The following CCDC85C variants were observed in gnomAD, a reference collection of about 807,000 sequenced individuals.
The protein encoded by CCDC85C is coiled-coil domain containing 85C.
Under a neutral mutation model 38.3 loss-of-function variants are expected in CCDC85C, and 18 were observed. The observed-to-expected ratio is 0.47, with a 90% CI of 0.33 to 0.70. The LOEUF (loss-of-function observed/expected upper bound fraction) is 0.70, where lower values mean the gene tolerates loss of function less well. CCDC85C is among the 30% of genes least tolerant of loss of function. The probability of loss-of-function intolerance (pLI) is 0.03; values close to 1 mark genes in which losing one functional copy is unlikely to be tolerated. For missense variants in CCDC85C, 566 were observed against 621.2 expected (o/e 0.91, Z 0.94); for synonymous variants, 264 against 293.8 (o/e 0.90, Z 1.04).
intron 1 of CCDC85C, among the ~76,000 whole-genome samples, chr14:99,573,959 C>T (rs893095991): frequency 2.6e-5 from 4 of 152,194 alleles, no homozygotes; most frequent in Non-Finnish European, 4.4e-5. Flanking sequence ...CTCATCAACT[C>T]GTCTCATCCT....
intron 2 of CCDC85C, among the ~76,000 whole-genome samples, chr14:99,531,883 C>A (rs912280563): frequency 6.6e-6 from 1 of 152,224 alleles, no homozygotes; most frequent in Admixed American, 6.5e-5. Flanking sequence ...AACATAGTCA[C>A]CCAGCCATCT....
At position 99,548,105 on chromosome 14, in the gene CCDC85C, G is replaced by A. The variant is rs1403005882; in HGVS notation, c.794-12017C>T. Among the ~76,000 whole-genome samples the A allele has an allele frequency of 6.6e-6, 1 of 152,092 alleles. No individual in the cohort carries two copies. The highest frequency in any genetic ancestry group is 1.5e-5 in the Non-Finnish European group (1 of 68,010). ...ACCCGACTATATGAGGATTACGAAC[G>A]CTGCCAGAGAGTGGCTAGGTGAGCA... On this transcript the variant is annotated intron_variant, in intron 1 of 5. Coordinates refer to ENST00000380243, the MANE Select transcript of CCDC85C (RefSeq NM_001144995.2). This position sits in a 1 kb window ranked among gnomAD's most constrained non-coding sequence, Gnocchi z 4.9.
chr14:99,556,487 T>C (rs944643967), intron 1 of CCDC85C, among the ~76,000 whole-genome samples: 2 of 152,300 alleles, frequency 1.3e-5, no homozygotes, highest in South Asian at 4.1e-4. Context: ...TGTTCTGATA[T>C]TGATCATTTT....
chr14:99,509,775 G>A lies in CCDC85C; in HGVS notation c.*5471C>T, dbSNP rs548255880. The A allele has an allele frequency of 4.0e-5, 11 of 273,530 alleles. No homozygotes were observed. The highest frequency in any genetic ancestry group is 6.2e-5 in the Non-Finnish European group (9 of 144,776). 16.9% of individuals were successfully genotyped at this position (273,530 alleles called of 1,614,324 possible). A position where few individuals can be genotyped will look rare whatever the true frequency, so the allele number is the denominator to read the frequency against. Reference sequence around the variant, plus strand: ...TGCCACTGCTGCAGACAGGAGTTCAGTGTGGCCCTGACCCCTGGGGTCAGT... The same window carrying A: ...TGCCACTGCTGCAGACAGGAGTTCAATGTGGCCCTGACCCCTGGGGTCAGT... On this transcript the variant is annotated 3_prime_UTR_variant, in exon 6 of 6. Transcript: ENST00000380243.
In CCDC85C at chr14:99,502,267, T is replaced by C. The variant is rs768720250; in HGVS notation, c.*12979A>G. The C allele has an allele frequency of 8.7e-6, 14 of 1,608,552 alleles. No individual in the cohort carries two copies. The South Asian group carries it at 1.6e-4, about 18-fold the overall frequency. On this transcript the variant is annotated 3_prime_UTR_variant, in exon 6 of 6. Transcript: ENST00000380243. ...AGATCATAGCAGTAGCAGTGATGTA[T>C]CTCGCAGGACGTTTGTGCAAATTTG...
chr14:99,577,267 G>A (rs575620926), intron 1 of CCDC85C, among the ~76,000 whole-genome samples: 2 of 151,566 alleles, frequency 1.3e-5, no homozygotes, highest in African/African-American at 4.8e-5. Flanking sequence ...GCCACTATGC[G>A]CCTCCGGTTT....
intron 3 of CCDC85C, among the ~76,000 whole-genome samples, chr14:99,519,298 G>GTTTT (rs1897272628): frequency 8.1e-6 from 1 of 123,554 alleles, no homozygotes. Context: ...TTTTTTTTTG[G>GTTTT]TAGAGATGGG....
At chr14:99,582,483 G>A (rs1015351022) in intron 1 of CCDC85C, among the ~76,000 whole-genome samples, 13 of 151,992 alleles carry the variant, frequency 8.6e-5, no homozygotes, top group South Asian at 4.2e-4. Flanking sequence ...GATCTCAGCC[G>A]AAAATGGATG....
chr14:99,579,990 C>G (rs1468197806), intron 1 of CCDC85C: 1 of 454,034 alleles, frequency 2.2e-6, no homozygotes, highest in African/African-American at 2.0e-5. Context: ...AGCAGCGGAC[C>G]ACCATGACAA....
At chr14:99,551,639 A>C (rs1439913629) in intron 1 of CCDC85C, among the ~76,000 whole-genome samples, 1 of 120,262 alleles carries the variant, frequency 8.3e-6, no homozygotes, top group African/African-American at 3.3e-5. Flanking sequence ...CAGGTGGGTG[A>C]GAGGTGAGTG....
chr14:99,516,959 C>A lies in CCDC85C; in HGVS notation c.1071+129G>T. The A allele has an allele frequency of 1.2e-6, 1 of 863,968 alleles. No homozygotes were observed. Among genetic ancestry groups the A allele is most frequent in the Non-Finnish European group, 1.9e-6 (1 of 527,076 alleles). The allele number at this position is 863,968 out of a possible 1,614,324, so 53.5% of individuals were successfully genotyped here. On this transcript the variant is annotated intron_variant, in intron 4 of 5. Transcript: ENST00000380243. This position sits in a 1 kb window ranked among gnomAD's most constrained non-coding sequence, Gnocchi z 5.5. The stretch of plus-strand genomic sequence containing the variant: ...ACAGTGCTCCAGGCAGCCATGGTCA[C>A]CCAGCCACCCACACACAGATGAAAC...
chr14:99,510,154 C>A lies in CCDC85C; in HGVS notation c.*5092G>T. ...CGGGCACTGATGCGTCTCTCTCCTG[C>A]AGACCGGAAGCCTCCCCTCGCTGCT... On this transcript the variant is annotated 3_prime_UTR_variant, in exon 6 of 6. Transcript: ENST00000380243. 1 of 1,594,036 alleles carries A rather than the reference C, an allele frequency of 6.3e-7. No homozygotes were observed. The highest frequency in any genetic ancestry group is 8.5e-7 in the Non-Finnish European group (1 of 1,174,058).
chr14:99,522,421 C>G (rs563052846), intron 2 of CCDC85C, 181 bp from the exon 3 acceptor site: 1 of 538,700 alleles, frequency 1.9e-6, no homozygotes, highest in Non-Finnish European at 3.3e-6. Flanking sequence ...TCTTCACTCT[C>G]CCCAGCTCAA....
intron 2 of CCDC85C, among the ~76,000 whole-genome samples, chr14:99,526,912 G>A (rs1260012588): frequency 6.6e-6 from 1 of 152,126 alleles, no homozygotes; most frequent in Non-Finnish European, 1.5e-5. Context: ...GGCAGCTGGG[G>A]CCACAGACTA....
intron 1 of CCDC85C, among the ~76,000 whole-genome samples, chr14:99,563,487 G>C (rs749350580): frequency 1.3e-5 from 2 of 152,380 alleles, no homozygotes; most frequent in East Asian, 3.9e-4. Context: ...AGGCAGCTTC[G>C]AGCACAACTG....
chr14:99,578,227 G>T (rs759018912), intron 1 of CCDC85C, among the ~76,000 whole-genome samples: 2 of 118,020 alleles, frequency 1.7e-5, no homozygotes, highest in Admixed American at 2.1e-4. Context: ...AGCCCATCCT[G>T]TATCCCCCAT....
intron 1 of CCDC85C, among the ~76,000 whole-genome samples, chr14:99,549,891 A>G (rs1897875935): frequency 6.6e-6 from 1 of 152,182 alleles, no homozygotes; most frequent in African/African-American, 2.4e-5. Flanking sequence ...AAGAGGAGAT[A>G]ATTGGTGCTG....
intron 1 of CCDC85C, among the ~76,000 whole-genome samples, chr14:99,537,706 C>A (rs1482258010): frequency 1.3e-5 from 2 of 152,178 alleles, no homozygotes; most frequent in Admixed American, 6.5e-5. Context: ...ACCACCCCTG[C>A]CCTCAGGGTG....
rs1163936833 is a variant in CCDC85C at position 99,535,533 on chromosome 14, G to A, written c.867+482C>T. On this transcript the variant is annotated intron_variant, in intron 2 of 5. Coordinates refer to ENST00000380243, the MANE Select transcript of CCDC85C (RefSeq NM_001144995.2). This position sits in a 1 kb window ranked among gnomAD's most constrained non-coding sequence, Gnocchi z 5.5. ...CCCTACAGCCAACCCCTCCCACGCC[G>A]TGCCCCTGCTGCCCAGCTCTGCACA... is the stretch of plus-strand genomic sequence containing the variant. 3.3e-5 allele frequency among the ~76,000 whole-genome samples: 5 copies of A among 152,010 alleles called. No homozygotes were observed. The highest frequency in any genetic ancestry group is 4.8e-5 in the African/African-American group (2 of 41,454).
Sources: gnomAD v4.1 joint callset for allele counts (sites outside exome capture counted in the v4.1 genomes callset) on GRCh38, gnomAD v4.1.1 for gene constraint, Gnocchi (gnomAD v3.1) non-coding constraint, MANE v1.5 for transcripts, NCBI Gene and HGNC (gene_info 2026-07-23, HGNC 2026-07-21) for gene names.